ETV1: variants seen among roughly 807,000 people sequenced by gnomAD.
ETV1 encodes the protein ETS variant transcription factor 1.
A neutral mutation model predicts 62.3 loss-of-function variants in ETV1; 27 were observed. That is an observed-to-expected ratio of 0.43 (90% CI 0.32 to 0.60). The LOEUF (loss-of-function observed/expected upper bound fraction) is 0.60. ETV1 is among the 20% of genes least tolerant of loss of function. The pLI is 0.06. For missense variants in ETV1, 605 were observed against 605.8 expected (o/e 1.00, Z 0.01); for synonymous variants, 222 against 199.6 (o/e 1.11, Z -0.94).
At chr7:13,975,889 G>A (rs982397825) in intron 6 of ETV1, among the ~76,000 whole-genome samples, 3 of 152,160 alleles carry the variant, frequency 2.0e-5, no homozygotes, top group Non-Finnish European at 2.9e-5. Context: ...TACTTTGGAT[G>A]TAAAATATCA....
At chr7:13,933,348 A>G (rs535879649) in intron 8 of ETV1, among the ~76,000 whole-genome samples, 123 of 152,344 alleles carry the variant, frequency 8.1e-4, no homozygotes, top group African/African-American at 2.8e-3. Flanking sequence ...GCCACTGACC[A>G]ATGGTAAAGA....
rs548323263 is a variant in ETV1, at chr7:13,904,919, T to G, written c.1110+1511A>C. ...ATCTTCTTTGACAGCTAAGTTAATT[T>G]TAAACACACTACAGCATTCAAACAC... is the stretch of plus-strand genomic sequence containing the variant. On this transcript the variant is annotated intron_variant, in intron 12 of 13. Transcript: ENST00000430479. Among the ~76,000 whole-genome samples the G allele has an allele frequency of 3.7e-4, 56 of 149,708 alleles. 1 individual carries two copies. The South Asian group carries it at 0.012, about 32-fold the overall frequency.
At chr7:13,984,719 C>G (rs1782369476) in intron 5 of ETV1, among the ~76,000 whole-genome samples, 1 of 151,850 alleles carries the variant, frequency 6.6e-6, no homozygotes. Flanking sequence ...AATTATAATT[C>G]TTTTCTAAGT....
Position 13,897,218 on chromosome 7 carries a change from TA to T in ETV1, c.1213-1132del, listed in dbSNP as rs748646973. On this transcript the variant is annotated intron_variant, in intron 13 of 13. Transcript: ENST00000430479. ...GATAGTCACTTTGTATGGGTGTGTG[TA>T]AAGGTATGAGATTTTAGAAAGCTGA... Among the ~76,000 whole-genome samples the T allele has an allele frequency of 1.2e-4, 19 of 152,274 alleles. 1 individual carries two copies. In the East Asian group the frequency reaches 3.7e-3, roughly 29 times the overall value.
chr7:13,919,248 A>G (rs1784545856), intron 9 of ETV1, among the ~76,000 whole-genome samples: 1 of 152,136 alleles, frequency 6.6e-6, no homozygotes, highest in African/African-American at 2.4e-5. Context: ...AACATGCTCA[A>G]TATGACACAA....
intron 6 of ETV1, among the ~76,000 whole-genome samples, chr7:13,947,922 T>G (rs2128468770): frequency 6.6e-6 from 1 of 152,300 alleles, no homozygotes. Context: ...AAAAATTCCC[T>G]AATAAAGACA....
intron 3 of ETV1, 175 bp downstream of exon 3, chr7:13,988,833 G>C: frequency 6.3e-7 from 1 of 1,598,132 alleles, no homozygotes; most frequent in Non-Finnish European, 8.5e-7. Flanking sequence ...ATCACTGAAA[G>C]GTAAGCTCAT....
chr7:13,949,323 C>G (rs2128470173), intron 6 of ETV1, among the ~76,000 whole-genome samples: 1 of 152,292 alleles, frequency 6.6e-6, no homozygotes, highest in East Asian at 1.9e-4. Flanking sequence ...AAAGCATTCA[C>G]TTTAAGTTAA....
intron 6 of ETV1, among the ~76,000 whole-genome samples, chr7:13,959,966 A>G (rs1218306474): frequency 3.5e-5 from 5 of 141,328 alleles, no homozygotes; most frequent in African/African-American, 1.3e-4. Flanking sequence ...TAGATTATTT[A>G]TCTTTCTTAA....
chr7:13,975,223 A>C (rs145886691), intron 6 of ETV1: 1 of 152,384 alleles, frequency 6.6e-6, no homozygotes, highest in East Asian at 1.9e-4. Flanking sequence ...CATTTCCATC[A>C]CAGAAAGTTC....
intron 5 of ETV1, among the ~76,000 whole-genome samples, chr7:13,980,767 A>G (rs1291285562): frequency 6.6e-6 from 1 of 152,042 alleles, no homozygotes; most frequent in Non-Finnish European, 1.5e-5. Context: ...TACCTAGATT[A>G]TTATCCAAAG....
chr7:13,898,534 A>G (rs10239009), intron 13 of ETV1, among the ~76,000 whole-genome samples: 77,451 of 151,984 alleles, frequency 0.51, 20,162 homozygotes, highest in African/African-American at 0.61. Context: ...GTAAACATAC[A>G]CTGTTCCATT....
intron 4 of ETV1, among the ~76,000 whole-genome samples, chr7:13,987,787 T>C (rs1010555933): frequency 1.3e-5 from 2 of 152,204 alleles, no homozygotes; most frequent in African/African-American, 4.8e-5. Flanking sequence ...GTTATCTTAG[T>C]GAATGGGGTG....
chr7:13,987,484 TTCATAAAAAGAA>T (rs1168400163), intron 4 of ETV1, among the ~76,000 whole-genome samples: 1 of 152,128 alleles, frequency 6.6e-6, no homozygotes, highest in African/African-American at 2.4e-5. Flanking sequence ...CTAGCAACAG[TTCATAAAAAGAA>T]TCTGCAAACT....
Position 13,988,083 on chromosome 7 carries a change from C to T in ETV1, c.133+3G>A. On this transcript the variant is annotated splice_donor_region_variant and intron_variant, in intron 4 of 13. Coordinates refer to ENST00000430479, the MANE Select transcript of ETV1 (RefSeq NM_004956.5). Reference sequence around the variant, plus strand: ...GGGGATTCAGCCCAAAATCAAACCTCACCTTCTGAATCATGAGCCAGATCT... The same window carrying T: ...GGGGATTCAGCCCAAAATCAAACCTTACCTTCTGAATCATGAGCCAGATCT... 6.3e-7 allele frequency: 1 copy of T among 1,599,096 alleles called. No homozygotes were observed. The highest frequency in any genetic ancestry group is 2.2e-5 in the East Asian group (1 of 44,818).
intron 3 of ETV1, chr7:13,988,412 T>A (rs1364897450): frequency 5.2e-6 from 3 of 580,602 alleles, no homozygotes; most frequent in African/African-American, 3.8e-5. Context: ...CTTAGCACAT[T>A]ACTATTTATC....
In ETV1 at chr7:13,892,280, G is replaced by C. The variant is rs1285046409; in HGVS notation, c.*3586C>G. 2 of 232,522 alleles carry C rather than the reference G, an allele frequency of 8.6e-6. No homozygotes were observed. The highest frequency in any genetic ancestry group is 8.5e-6 in the Non-Finnish European group (1 of 117,796). 14.4% of individuals were successfully genotyped at this position (232,522 alleles called of 1,614,324 possible). ...TTCTGTTTTTCTGTTTCATGACTTA[G>C]TGTTTTCCTGGGGGCTGGGGAAGGA... is the stretch of plus-strand genomic sequence containing the variant. On this transcript the variant is annotated 3_prime_UTR_variant, in exon 14 of 14. Transcript: ENST00000430479.
intron 6 of ETV1, among the ~76,000 whole-genome samples, chr7:13,941,964 T>C (rs1298686434): frequency 6.6e-6 from 1 of 151,492 alleles, no homozygotes; most frequent in African/African-American, 2.4e-5. Flanking sequence ...GTAGGCGAGA[T>C]CTTAGAATAA....
At chr7:13,939,779 T>C (rs1005430004) in intron 6 of ETV1, among the ~76,000 whole-genome samples, 1 of 152,180 alleles carries the variant, frequency 6.6e-6, no homozygotes, top group Non-Finnish European at 1.5e-5. Flanking sequence ...CTCAACATCT[T>C]TGAGGCCAGT....
Sources: gnomAD v4.1 joint callset for allele counts (sites outside exome capture counted in the v4.1 genomes callset) on GRCh38, gnomAD v4.1.1 for gene constraint, MANE v1.5 for transcripts, NCBI Gene and HGNC (gene_info 2026-07-23, HGNC 2026-07-21) for gene names.